Variants in BCOR observed in about 807,000 individuals in gnomAD.
BCOR encodes BCL6 corepressor, also known as BCL-6 corepressor.
A neutral mutation model predicts 86.7 loss-of-function variants in BCOR; 10 were observed. The ratio of observed to expected loss-of-function variants is 0.12; its 90% CI spans 0.07 to 0.20. BCOR has a LOEUF of 0.20. BCOR is among the 10% of genes least tolerant of loss of function. BCOR has a pLI of 1.00. For synonymous variants in BCOR, 611 were observed against 609.0 expected (o/e 1.00, Z -0.05); for missense variants, 1,259 against 1,452.1 (o/e 0.87, Z 2.16).
chrX:40,155,154 C>T (rs922659100), intron 1 of BCOR, among the ~76,000 whole-genome samples: 2 of 112,507 alleles, frequency 1.8e-5, no homozygotes, highest in African/African-American at 6.5e-5. Context: ...AATGATTGTC[C>T]TCCGCTCCGC....
chrX:40,103,349 T>G (rs961554286), intron 1 of BCOR, among the ~76,000 whole-genome samples: 7 of 110,807 alleles, frequency 6.3e-5, no homozygotes, highest in Non-Finnish European at 1.3e-4. Context: ...ATTTTAATGA[T>G]TTCCAGCAGG....
intron 10 of BCOR, among the ~76,000 whole-genome samples, chrX:40,059,777 A>G (rs1934778663): frequency 8.8e-6 from 1 of 113,190 alleles, no homozygotes; most frequent in Non-Finnish European, 1.9e-5. Context: ...CATAAACCCG[A>G]CATTGTTAAT....
intron 12 of BCOR, 37 bp downstream of exon 12, chrX:40,055,331 A>T (rs1934538626): frequency 8.6e-7 from 1 of 1,164,195 alleles, no homozygotes; most frequent in African/African-American, 1.8e-5. Flanking sequence ...TTATCATCTA[A>T]TTTTTGAATA....
chrX:40,088,177 AC>A (rs1936441323), intron 1 of BCOR, among the ~76,000 whole-genome samples: 1 of 109,863 alleles, frequency 9.1e-6, no homozygotes, highest in Non-Finnish European at 1.9e-5. Flanking sequence ...CCCCACCTTC[AC>A]CCCCCACTCC....
intron 6 of BCOR, among the ~76,000 whole-genome samples, chrX:40,066,930 C>G (rs1403417103): frequency 1.0e-5 from 1 of 97,817 alleles, no homozygotes; most frequent in Non-Finnish European, 2.1e-5. Flanking sequence ...CACCCCCCCC[C>G]CCCCATCAAA....
intron 1 of BCOR, among the ~76,000 whole-genome samples, chrX:40,087,385 C>T (rs1936408221): frequency 8.8e-6 from 1 of 113,124 alleles, no homozygotes; most frequent in South Asian, 3.6e-4. Flanking sequence ...AATAAGCATA[C>T]AAGGCTCATT....
At chrX:40,090,512 A>G (rs1000249622) in intron 1 of BCOR, among the ~76,000 whole-genome samples, 4 of 112,371 alleles carry the variant, frequency 3.6e-5, no homozygotes, top group African/African-American at 1.3e-4. Context: ...ATTCCCCCCA[A>G]GTCCCGGGCA....
chrX:40,164,122 T>C (rs1318761213), intron 1 of BCOR, among the ~76,000 whole-genome samples: 1 of 112,344 alleles, frequency 8.9e-6, no homozygotes, highest in Non-Finnish European at 1.9e-5. Flanking sequence ...TAAAGTCCTA[T>C]TACCCTCAAG....
chrX:40,068,696 C>G (rs1042480873), intron 6 of BCOR, among the ~76,000 whole-genome samples: 1 of 113,188 alleles, frequency 8.8e-6, no homozygotes, highest in African/African-American at 3.2e-5. Context: ...GTGTTCCCTA[C>G]CCCATCTTCA....
At chrX:40,116,294 G>A (rs758472314) in intron 1 of BCOR, among the ~76,000 whole-genome samples, 1 of 111,102 alleles carries the variant, frequency 9.0e-6, no homozygotes, top group East Asian at 2.8e-4. Context: ...TCAGGAGATC[G>A]AGACCATCCT....
chrX:40,076,697 A>G (rs894780836), intron 2 of BCOR, among the ~76,000 whole-genome samples, 165 bp from the exon 3 acceptor site: 2 of 112,248 alleles, frequency 1.8e-5, no homozygotes, highest in African/African-American at 6.5e-5. Flanking sequence ...TCGCCCCCAA[A>G]TGGTGATTCA....
chrX:40,142,601 G>A (rs1569194045), intron 1 of BCOR, among the ~76,000 whole-genome samples: 1 of 111,671 alleles, frequency 9.0e-6, no homozygotes, highest in African/African-American at 3.3e-5. Context: ...GCGTGAGGGG[G>A]CCGTGGCACA....
intron 1 of BCOR, among the ~76,000 whole-genome samples, chrX:40,086,946 C>T (rs961678179): frequency 7.9e-5 from 9 of 113,556 alleles, no homozygotes; most frequent in African/African-American, 2.9e-4. Context: ...CGTTTGTCAG[C>T]GCTGTTTGTT....
chrX:40,121,694 G>A (rs1027334475), intron 1 of BCOR, among the ~76,000 whole-genome samples: 1 of 112,804 alleles, frequency 8.9e-6, no homozygotes, highest in Middle Eastern at 4.2e-3. Context: ...GGAAGGCAGT[G>A]TTAGCCAGGA....
intron 1 of BCOR, among the ~76,000 whole-genome samples, chrX:40,160,606 T>A (rs2148009711): frequency 9.2e-6 from 1 of 108,150 alleles, no homozygotes; most frequent in East Asian, 2.9e-4. Context: ...GAAAAGTTCC[T>A]TTTTGGAGTT....
rs756600306 is a variant in BCOR at position 40,054,326 on chromosome X, T to A, written c.4749A>T (p.Leu1583Phe). 1.7e-6 allele frequency: 2 copies of A among 1,198,659 alleles called. No homozygotes were observed. The highest frequency in any genetic ancestry group is 3.6e-5 in the South Asian group (2 of 56,045). Residue 1583 changes from leucine to phenylalanine, a missense_variant, in exon 13 of 15, where the codon TTA becomes TTT. Transcript: ENST00000378444. ...CATCATTGCGACCCTGGAGGTCATT[T>A]AAATAATCTGGAGGGAGAGAAAAAT... is the stretch of plus-strand genomic sequence containing the variant. ...ELMEKFLTDY[L>F]NDLQGRNDDD... is the part of the protein sequence containing the mutation.
intron 1 of BCOR, among the ~76,000 whole-genome samples, chrX:40,109,355 G>A (rs1167561112): frequency 9.0e-6 from 1 of 111,427 alleles, no homozygotes; most frequent in African/African-American, 3.3e-5. Context: ...TCAAGGGCAG[G>A]ACAGAAACTC....
intron 1 of BCOR, among the ~76,000 whole-genome samples, chrX:40,163,629 C>T (rs760537514): frequency 4.1e-4 from 40 of 97,354 alleles, no homozygotes; most frequent in Middle Eastern, 4.9e-3. Flanking sequence ...GACACTCCTC[C>T]CAAGTGGAAG....
At chrX:40,141,770 GC>G (rs1937928008) in intron 1 of BCOR, among the ~76,000 whole-genome samples, 1 of 111,072 alleles carries the variant, frequency 9.0e-6, no homozygotes, top group African/African-American at 3.3e-5. Flanking sequence ...ACAAAGTCAG[GC>G]CCTCCAAGGA....
Sources: allele counts gnomAD v4.1 joint callset (sites outside exome capture counted in the v4.1 genomes callset), GRCh38; gene constraint gnomAD v4.1.1; transcripts MANE v1.5; gene names NCBI Gene and HGNC (gene_info 2026-07-23, HGNC 2026-07-21).